Variants in SLC41A2 observed in about 807,000 individuals in gnomAD.
SLC41A2 encodes the protein SLC41A1-like 1.
Under a neutral mutation model 58.3 loss-of-function variants are expected in SLC41A2, and 32 were observed. The observed-to-expected ratio is 0.55, with a 90% confidence interval of 0.41 to 0.74. The LOEUF is 0.74. Ranked by LOEUF, SLC41A2 falls within the 30% of genes least tolerant of loss-of-function variation. The pLI is 0.00. For synonymous variants in SLC41A2, 190 were observed against 235.0 expected (o/e 0.81, Z 1.75); for missense variants, 514 against 680.6 (o/e 0.76, Z 2.72).
intron 3 of SLC41A2, among the ~76,000 whole-genome samples, chr12:104,903,640 C>T (rs2045667717): frequency 6.6e-6 from 1 of 152,238 alleles, no homozygotes; most frequent in African/African-American, 2.4e-5. Flanking sequence ...CAACAACAGT[C>T]CTGCCTCTGG....
At chr12:104,905,963 A>C (rs1216591371) in intron 3 of SLC41A2, among the ~76,000 whole-genome samples, 2 of 152,334 alleles carry the variant, frequency 1.3e-5, no homozygotes, top group Admixed American at 6.5e-5. Context: ...GGGCTCCCAC[A>C]GTGCAGTGGG....
intron 2 of SLC41A2, among the ~76,000 whole-genome samples, chr12:104,924,952 A>G (rs1166961979): frequency 2.0e-5 from 3 of 152,178 alleles, no homozygotes; most frequent in African/African-American, 7.2e-5. Flanking sequence ...TATAGTTTAA[A>G]AAGAGTCAAG....
At chr12:104,923,225 G>C (rs2046682366) in intron 2 of SLC41A2, among the ~76,000 whole-genome samples, 1 of 147,226 alleles carries the variant, frequency 6.8e-6, no homozygotes, top group African/African-American at 2.5e-5. Context: ...AGCCAGGCGG[G>C]GTGGCGGGCG....
chr12:104,938,886 T>C (rs2047389061), intron 1 of SLC41A2, among the ~76,000 whole-genome samples: 1 of 152,238 alleles, frequency 6.6e-6, no homozygotes, highest in Admixed American at 6.5e-5. Flanking sequence ...TTGCAGTCTA[T>C]GGACAAGGAG....
intron 8 of SLC41A2, among the ~76,000 whole-genome samples, chr12:104,854,652 C>T (rs2042959415): frequency 6.6e-6 from 1 of 152,058 alleles, no homozygotes; most frequent in African/African-American, 2.4e-5. Context: ...AAGATACTAT[C>T]CTCCAAGCTC....
intron 10 of SLC41A2, among the ~76,000 whole-genome samples, chr12:104,828,078 A>T (rs1351910783): frequency 6.6e-6 from 1 of 152,030 alleles, no homozygotes; most frequent in Non-Finnish European, 1.5e-5. Flanking sequence ...GCCTATAAAA[A>T]CCCTGAGACC....
chr12:104,877,298 C>A (rs1253870257), intron 6 of SLC41A2, among the ~76,000 whole-genome samples: 1 of 152,108 alleles, frequency 6.6e-6, no homozygotes, highest in African/African-American at 2.4e-5. Context: ...TTAGGAGGCC[C>A]CCTAGTGCGC....
At chr12:104,856,827 ACT>A (rs2043037036) in intron 8 of SLC41A2, among the ~76,000 whole-genome samples, 1 of 151,882 alleles carries the variant, frequency 6.6e-6, no homozygotes, top group South Asian at 2.1e-4. Flanking sequence ...ATGCCTAAAG[ACT>A]CTATTTTCTC....
chr12:104,815,903 G>C (rs932786152), intron 10 of SLC41A2, among the ~76,000 whole-genome samples: 4 of 152,054 alleles, frequency 2.6e-5, no homozygotes, highest in African/African-American at 9.7e-5. Context: ...TATTTTGTTG[G>C]GTGGCAGGTG....
At chr12:104,851,892 A>G (rs1234588817) in intron 8 of SLC41A2, 1 of 152,182 alleles carries the variant, frequency 6.6e-6, no homozygotes, top group Non-Finnish European at 1.5e-5. Flanking sequence ...GTATATGACT[A>G]TCCACTGCTA....
intron 6 of SLC41A2, among the ~76,000 whole-genome samples, chr12:104,881,923 T>A (rs191842366): frequency 1.3e-5 from 2 of 152,300 alleles, no homozygotes; most frequent in East Asian, 3.9e-4. Flanking sequence ...GGTGTTAAAA[T>A]CTCCCACTAT....
intron 6 of SLC41A2, among the ~76,000 whole-genome samples, chr12:104,870,833 A>T (rs2043733955): frequency 6.6e-6 from 1 of 152,344 alleles, no homozygotes; most frequent in East Asian, 1.9e-4. Context: ...TATGTAAACA[A>T]CAAAGCAATG....
Position 104,904,320 on chromosome 12 carries a change from C to A in SLC41A2, c.663+5335G>T, listed in dbSNP as rs190089718. On this transcript the variant is annotated intron_variant, in intron 3 of 10. Coordinates refer to ENST00000258538, the MANE Select transcript of SLC41A2 (RefSeq NM_001352171.3). ...TTTCCAACAAATGAAACTAAAGGCACCTTTTAACTCCCATTCAAATAACTT... is the reference window on the plus strand; with the variant it reads ...TTTCCAACAAATGAAACTAAAGGCAACTTTTAACTCCCATTCAAATAACTT... Among the ~76,000 whole-genome samples the A allele has an allele frequency of 1.5e-3, 224 of 152,278 alleles. 1 individual carries two copies. The highest frequency in any genetic ancestry group is 4.9e-3 in the African/African-American group (204 of 41,560).
intron 6 of SLC41A2, among the ~76,000 whole-genome samples, chr12:104,881,084 T>A (rs1195930444): frequency 6.6e-6 from 1 of 152,186 alleles, no homozygotes; most frequent in Non-Finnish European, 1.5e-5. Flanking sequence ...TTCTTCTAGA[T>A]TTTCTAGTTT....
At chr12:104,846,051 CTT>C in intron 8 of SLC41A2, 77 bp from the exon 9 acceptor site, 1 of 1,441,244 alleles carries the variant, frequency 6.9e-7, no homozygotes. Flanking sequence ...AAGCAAGCCT[CTT>C]CGTGTAACAT....
At chr12:104,919,918 T>G (rs2046512387) in intron 2 of SLC41A2, among the ~76,000 whole-genome samples, 1 of 152,250 alleles carries the variant, frequency 6.6e-6, no homozygotes, top group African/African-American at 2.4e-5. Context: ...GATTTTCTCC[T>G]GTTTTTTCCC....
chr12:104,882,207 A>T (rs1012589527), intron 6 of SLC41A2, among the ~76,000 whole-genome samples: 4 of 151,624 alleles, frequency 2.6e-5, no homozygotes, highest in African/African-American at 9.7e-5. Context: ...GAGCCTATGC[A>T]TGTCTCTGCA....
At chr12:104,928,962 C>T (rs186695361) in intron 1 of SLC41A2, among the ~76,000 whole-genome samples, 8 of 152,270 alleles carry the variant, frequency 5.3e-5, no homozygotes, top group Admixed American at 2.6e-4. Flanking sequence ...TCAATATCCA[C>T]GTAAGGTCTT....
intron 1 of SLC41A2, among the ~76,000 whole-genome samples, chr12:104,940,934 C>CAAAAAAAA (rs386377636): frequency 1.8e-4 from 17 of 95,544 alleles, no homozygotes; most frequent in African/African-American, 7.0e-4. Context: ...GACTCTGCCT[C>CAAAAAAAA]AAAAAAAAAA....
Sources: gnomAD v4.1 joint callset for allele counts (sites outside exome capture counted in the v4.1 genomes callset) on GRCh38, gnomAD v4.1.1 for gene constraint, MANE v1.5 for transcripts, NCBI Gene and HGNC (gene_info 2026-07-23, HGNC 2026-07-21) for gene names.